The following NEK1 variants were observed in gnomAD, a reference collection of about 807,000 sequenced individuals.
NEK1 encodes NIMA related kinase 1, also known as serine/threonine-protein kinase Nek1.
NEK1 carries 137 observed loss-of-function variants against 182.1 expected under a neutral mutation model. That is an observed-to-expected ratio of 0.75 (90% CI 0.65 to 0.87). The LOEUF is 0.87. NEK1 is among the 40% of genes least tolerant of loss of function. The pLI, the probability that NEK1 is intolerant of heterozygous loss-of-function variation, is 0.00. For missense variants in NEK1, 1,391 were observed against 1,494.4 expected, an observed-to-expected ratio of 0.93 and a Z score of 1.14; for synonymous variants, 513 against 492.2, an observed-to-expected ratio of 1.04 and a Z score of -0.56.
At chr4:169,422,809 T>G (rs767362112) in intron 31 of NEK1, among the ~76,000 whole-genome samples, 8 of 152,210 alleles carry the variant, frequency 5.3e-5, no homozygotes, top group Non-Finnish European at 1.0e-4. Flanking sequence ...AAATGTATTA[T>G]GCAAAGAATA....
At chr4:169,446,216 AAC>A (rs1234247426) in intron 27 of NEK1, among the ~76,000 whole-genome samples, 1 of 152,122 alleles carries the variant, frequency 6.6e-6, no homozygotes, top group African/African-American at 2.4e-5. Flanking sequence ...AACAAAATCA[AAC>A]AGACACTAAA....
chr4:169,446,340 C>T (rs1230891425), intron 27 of NEK1, among the ~76,000 whole-genome samples: 1 of 151,880 alleles, frequency 6.6e-6, no homozygotes, highest in South Asian at 2.1e-4. Context: ...AACAAAGAGC[C>T]ATTACAACAA....
At chr4:169,427,253 A>G (rs1479611784) in intron 29 of NEK1, among the ~76,000 whole-genome samples, 2 of 151,606 alleles carry the variant, frequency 1.3e-5, no homozygotes, top group African/African-American at 4.8e-5. Flanking sequence ...CAGCCTCCCG[A>G]GTAGCTGGGA....
At chr4:169,436,331 C>A (rs1443245210) in intron 28 of NEK1, among the ~76,000 whole-genome samples, 1 of 152,204 alleles carries the variant, frequency 6.6e-6, no homozygotes, top group Non-Finnish European at 1.5e-5. Flanking sequence ...GGCTTTGGGA[C>A]TGCGGAGCAG....
At chr4:169,426,883 A>G (rs1736493696) in intron 29 of NEK1, among the ~76,000 whole-genome samples, 2 of 152,196 alleles carry the variant, frequency 1.3e-5, no homozygotes, top group Non-Finnish European at 2.9e-5. Flanking sequence ...TAAGATTCAC[A>G]AAAATATTTT....
intron 26 of NEK1, among the ~76,000 whole-genome samples, chr4:169,468,931 G>A (rs1367669654): frequency 6.6e-6 from 1 of 152,114 alleles, no homozygotes; most frequent in Non-Finnish European, 1.5e-5. Flanking sequence ...ATTCTCTGAT[G>A]GTAGTCTGTA....
intron 5 of NEK1, among the ~76,000 whole-genome samples, chr4:169,595,720 A>C (rs1317979688): frequency 6.6e-6 from 1 of 151,912 alleles, no homozygotes; most frequent in Admixed American, 6.6e-5. Context: ...TCAGGAGATC[A>C]AGACCATCCT....
At chr4:169,466,517 G>A (rs1744958607) in intron 26 of NEK1, among the ~76,000 whole-genome samples, 1 of 151,896 alleles carries the variant, frequency 6.6e-6, no homozygotes, top group Non-Finnish European at 1.5e-5. Context: ...CATCATTAAA[G>A]TACTAAAAGA....
chr4:169,470,528 C>T (rs1745762318), intron 26 of NEK1, among the ~76,000 whole-genome samples: 3 of 152,180 alleles, frequency 2.0e-5, no homozygotes, highest in Non-Finnish European at 2.9e-5. Flanking sequence ...GTAATCCAAC[C>T]TTTCTCTTTG....
chr4:169,414,724 C>G (rs1399597978), intron 31 of NEK1, among the ~76,000 whole-genome samples: 7 of 152,150 alleles, frequency 4.6e-5, no homozygotes, highest in African/African-American at 1.7e-4. Context: ...AAAACAAATA[C>G]CTTTAGCTGT....
intron 27 of NEK1, among the ~76,000 whole-genome samples, chr4:169,448,037 C>G (rs2149455532): frequency 6.6e-6 from 1 of 151,680 alleles, no homozygotes; most frequent in East Asian, 2.0e-4. Flanking sequence ...CAGGCAAAAC[C>G]CTTTCTCTAC....
chr4:169,400,159 A>G, intron 35 of NEK1, 66 bp downstream of exon 35: 1 of 1,380,064 alleles, frequency 7.2e-7, no homozygotes, highest in Non-Finnish European at 1.0e-6. Flanking sequence ...GCTGATTCAT[A>G]TACATGTATC....
chr4:169,400,146 T>A (rs1286654488), intron 35 of NEK1, 79 bp downstream of exon 35: 1 of 1,331,678 alleles, frequency 7.5e-7, no homozygotes, highest in African/African-American at 1.5e-5. Context: ...GGATGTGATG[T>A]AAGCTGATTC....
At chr4:169,571,219 T>TAAATAAAA (rs1444557118) in intron 12 of NEK1, among the ~76,000 whole-genome samples, 53 of 142,508 alleles carry the variant, frequency 3.7e-4, no homozygotes, top group African/African-American at 1.1e-3. Flanking sequence ...AATAAATAAA[T>TAAATAAAA]AAAAAGAATA....
At position 169,486,259 on chromosome 4, in the gene NEK1, G is replaced by A. The variant is rs565410928; in HGVS notation, c.2008-6725C>T. On this transcript the variant is annotated intron_variant, in intron 23 of 35. Coordinates refer to ENST00000507142, the MANE Select transcript of NEK1 (RefSeq NM_001199397.3). ...AACATTGCTTTTATTGTCACAAAAG[G>A]TTTTCAATTATCGCTGTAAAACTGT... Among the ~76,000 whole-genome samples, 10 of 152,060 alleles carry A rather than the reference G, an allele frequency of 6.6e-5. No homozygotes were observed. The South Asian group carries it at 2.1e-3, about 32-fold the overall frequency.
chr4:169,585,421 A>G lies in NEK1; in HGVS notation c.735T>C (p.Asp245=). 1 of 1,613,750 alleles carries G rather than the reference A, an allele frequency of 6.2e-7. No homozygotes were observed. Among genetic ancestry groups the G allele is most frequent in the Non-Finnish European group, 8.5e-7 (1 of 1,179,712 alleles). The change falls in exon 10 of 36, where the codon GAT becomes GAC. Residue 245 remains aspartate, a synonymous_variant. Coordinates refer to ENST00000507142, the MANE Select transcript of NEK1 (RefSeq NM_001199397.3). The part of the protein sequence containing the change: ...VSQLFKRNPR[D]RPSVNSILEK... ...CCAATATGGAGTTGACTGATGGTCT[A>G]TCCCTAGGATTTCTTTTAAATAACT...
At chr4:169,505,670 A>C (rs1214394323) in intron 23 of NEK1, among the ~76,000 whole-genome samples, 6 of 152,226 alleles carry the variant, frequency 3.9e-5, no homozygotes, top group African/African-American at 1.4e-4. Context: ...CTGGCATAAA[A>C]CAAGCAATAA....
intron 27 of NEK1, among the ~76,000 whole-genome samples, chr4:169,461,581 T>A (rs1743978253): frequency 6.6e-6 from 1 of 152,164 alleles, no homozygotes; most frequent in South Asian, 2.1e-4. Flanking sequence ...TTGCCACATG[T>A]GATTTCGATG....
intron 27 of NEK1, among the ~76,000 whole-genome samples, chr4:169,443,062 T>TCTAC (rs2149440854): frequency 6.9e-6 from 1 of 145,958 alleles, no homozygotes; most frequent in South Asian, 2.1e-4. Context: ...TATCTATCTA[T>TCTAC]CTATCTATCT....
Sources: allele counts gnomAD v4.1 joint callset (sites outside exome capture counted in the v4.1 genomes callset), GRCh38; gene constraint gnomAD v4.1.1; transcripts MANE v1.5; gene names NCBI Gene and HGNC (gene_info 2026-07-23, HGNC 2026-07-21).